POM121C: variants seen among roughly 807,000 people sequenced by gnomAD.
POM121C encodes nuclear envelope pore membrane protein POM 121C.
A neutral mutation model predicts 66.4 loss-of-function variants in POM121C; 20 were observed. The ratio of observed to expected loss-of-function variants is 0.30; its 90% CI spans 0.21 to 0.44. The LOEUF is 0.44. POM121C is among the 20% of genes least tolerant of loss of function. POM121C has a pLI of 1.00. For missense variants in POM121C, 580 were observed against 1,225.7 expected, an observed-to-expected ratio of 0.47 and a Z score of 7.87; for synonymous variants, 286 against 528.0, an observed-to-expected ratio of 0.54 and a Z score of 6.28.
In POM121C at chr7:75,437,602, G is replaced by A. The variant is rs587759060; in HGVS notation, c.393C>T (p.Ser131=). 317 of 1,613,952 alleles carry A rather than the reference G, an allele frequency of 2.0e-4. 3 individuals are homozygous for A. In the South Asian group the frequency reaches 3.3e-3, roughly 17 times the overall value. ...TGCCACTTGTGTAAGCGCCTGTCAAGGAGCTCATGGAAGAGCTTCGGGATC... is the reference window on the plus strand; with the variant it reads ...TGCCACTTGTGTAAGCGCCTGTCAAAGAGCTCATGGAAGAGCTTCGGGATC... ...NKRSRSSSMS[S]LTGAYTSGIP... is the part of the protein sequence containing the mutation. Residue 131 remains serine (S), a synonymous_variant, in exon 7 of 15, where the codon TCC becomes TCT. Coordinates refer to ENST00000615331, the MANE Select transcript of POM121C (RefSeq NM_001099415.3).
chr7:75,436,502 G>A (rs1364091089), intron 7 of POM121C, among the ~76,000 whole-genome samples: 2 of 152,274 alleles, frequency 1.3e-5, no homozygotes, highest in East Asian at 1.9e-4. Context: ...TTTAAGAGGG[G>A]TAATGGTATT....
chr7:75,476,532 G>T (rs1212475643), intron 1 of POM121C, among the ~76,000 whole-genome samples: 6 of 152,146 alleles, frequency 3.9e-5, no homozygotes, highest in Non-Finnish European at 5.9e-5. Flanking sequence ...GATAGCAGAG[G>T]CAGAGCTGCT....
chr7:75,419,044 A>C (rs1789585394), intron 14 of POM121C, among the ~76,000 whole-genome samples, 151 bp from the exon 15 acceptor site: 1 of 152,098 alleles, frequency 6.6e-6, no homozygotes, highest in Non-Finnish European at 1.5e-5. Context: ...GTACGGGAGG[A>C]GCCTCCTGAA....
At chr7:75,473,984 G>A (rs1226614157) in intron 3 of POM121C, among the ~76,000 whole-genome samples, 3 of 152,034 alleles carry the variant, frequency 2.0e-5, no homozygotes, top group Non-Finnish European at 2.9e-5. Context: ...CACCGCGCCC[G>A]GCCAAGTCCA....
chr7:75,430,711 A>T (rs1288656768), intron 7 of POM121C, among the ~76,000 whole-genome samples: 1 of 152,210 alleles, frequency 6.6e-6, no homozygotes, highest in African/African-American at 2.4e-5. Flanking sequence ...TAACACATAC[A>T]TGACAGAGAG....
intron 3 of POM121C, among the ~76,000 whole-genome samples, chr7:75,450,053 G>A (rs1790969846): frequency 6.6e-6 from 1 of 151,930 alleles, no homozygotes; most frequent in African/African-American, 2.4e-5. Flanking sequence ...CCAGAGACGT[G>A]CAGAGAAAAG....
At chr7:75,479,356 C>T (rs1354737815) in intron 1 of POM121C, among the ~76,000 whole-genome samples, 124 of 152,214 alleles carry the variant, frequency 8.1e-4, no homozygotes, top group Middle Eastern at 6.8e-3. Flanking sequence ...TGGCTCACAC[C>T]TGTAATCCCA....
intron 7 of POM121C, among the ~76,000 whole-genome samples, chr7:75,430,217 T>G (rs587672441): frequency 1.3e-5 from 2 of 151,948 alleles, no homozygotes; most frequent in South Asian, 4.2e-4. Context: ...AACAAGACAG[T>G]CCTGAAAAGA....
At position 75,465,287 on chromosome 7, in the gene POM121C, GC is replaced by G. The variant is rs1213327530; in HGVS notation, c.-152+9416del. Reference sequence around the variant, plus strand: ...TGGGATTATAAGCGTGAGCCACCGTGCCCAGCCTGAATTGTAACACTTTAAA... The same window carrying G: ...TGGGATTATAAGCGTGAGCCACCGTGCCAGCCTGAATTGTAACACTTTAAA... On this transcript the variant is annotated intron_variant, in intron 3 of 14. Transcript: ENST00000615331. Among the ~76,000 whole-genome samples, 32 of 152,030 alleles carry G rather than the reference GC, an allele frequency of 2.1e-4. 1 individual carries two copies. Among genetic ancestry groups the G allele is most frequent in the Non-Finnish European group, 4.3e-4 (29 of 67,934 alleles).
At chr7:75,457,968 T>C (rs1791300707) in intron 3 of POM121C, among the ~76,000 whole-genome samples, 1 of 152,290 alleles carries the variant, frequency 6.6e-6, no homozygotes, top group Admixed American at 6.5e-5. Flanking sequence ...GAAAGTACAC[T>C]TGGAAGAAGG....
At chr7:75,474,092 A>C (rs1791977680) in intron 3 of POM121C, among the ~76,000 whole-genome samples, 1 of 152,216 alleles carries the variant, frequency 6.6e-6, no homozygotes. Context: ...TGAATGCCCC[A>C]AAATGAAACA....
chr7:75,477,159 C>T (rs1189051946), intron 1 of POM121C, among the ~76,000 whole-genome samples: 4 of 148,882 alleles, frequency 2.7e-5, no homozygotes, highest in African/African-American at 4.9e-5. Flanking sequence ...CTTCTCGGTC[C>T]GAAAGTCAGG....
At chr7:75,483,127 C>T (rs1176799431) in intron 1 of POM121C, among the ~76,000 whole-genome samples, 2 of 152,078 alleles carry the variant, frequency 1.3e-5, no homozygotes, top group African/African-American at 4.8e-5. Flanking sequence ...ACTTGGATCA[C>T]GATATTTCCG....
intron 3 of POM121C, among the ~76,000 whole-genome samples, chr7:75,469,772 C>CA (rs1391606788): frequency 1.3e-5 from 2 of 152,120 alleles, no homozygotes; most frequent in African/African-American, 4.8e-5. Flanking sequence ...CTAAACATGC[C>CA]ATGCATACTC....
At chr7:75,456,748 A>G (rs1482975463) in intron 3 of POM121C, among the ~76,000 whole-genome samples, 1 of 152,288 alleles carries the variant, frequency 6.6e-6, no homozygotes, top group Non-Finnish European at 1.5e-5. Context: ...AAAAGTTATC[A>G]AGACAACAAT....
At chr7:75,478,229 G>C (rs1333473409) in intron 1 of POM121C, among the ~76,000 whole-genome samples, 1 of 152,168 alleles carries the variant, frequency 6.6e-6, no homozygotes, top group Admixed American at 6.6e-5. Context: ...CCTTGTTGTT[G>C]TTGCTGTGAT....
chr7:75,486,193 CG>C lies in POM121C; in HGVS notation c.-788del. The C allele has an allele frequency of 3.3e-6, 1 of 299,706 alleles. No homozygotes were observed. Among genetic ancestry groups the C allele is most frequent in the Non-Finnish European group, 6.5e-6 (1 of 154,458 alleles). 18.6% of individuals were successfully genotyped at this position (299,706 alleles called of 1,614,324 possible). A position where few individuals can be genotyped will look rare whatever the true frequency, so the allele number is the denominator to read the frequency against. On this transcript the variant is annotated 5_prime_UTR_variant, in exon 1 of 15. It removes the in-frame stop codon of an upstream open reading frame in the 5' UTR. Transcript: ENST00000615331. ...CCGCCCGCCTAGGTGCTGGTCCGGG[CG>C]GTCAGCATCCAGCCCCGCAGACTCG...
intron 3 of POM121C, among the ~76,000 whole-genome samples, chr7:75,465,630 G>A (rs1791608541): frequency 6.6e-6 from 1 of 151,284 alleles, no homozygotes; most frequent in African/African-American, 2.4e-5. Context: ...GCAGGCACTT[G>A]TAATCCCAGC....
intron 3 of POM121C, among the ~76,000 whole-genome samples, chr7:75,465,071 T>C (rs1554477578): frequency 6.6e-6 from 1 of 150,902 alleles, no homozygotes; most frequent in African/African-American, 2.4e-5. Context: ...CTCAGCTCAT[T>C]GAAACCTCTG....
Sources: allele counts gnomAD v4.1 joint callset (sites outside exome capture counted in the v4.1 genomes callset), GRCh38; gene constraint gnomAD v4.1.1; transcripts MANE v1.5; gene names NCBI Gene and HGNC (gene_info 2026-07-23, HGNC 2026-07-21).